MTERF4: variants seen among roughly 807,000 people sequenced by gnomAD.
MTERF4 encodes transcription termination factor 4, mitochondrial.
In MTERF4, 17 loss-of-function variants were observed where a neutral mutation model predicts 22.5. The ratio of observed to expected loss-of-function variants is 0.75; its 90% CI spans 0.52 to 1.13. MTERF4 has a LOEUF of 1.13. Among genes scored for constraint, MTERF4 ranks in the 50% most tolerant of loss-of-function variants. The pLI is 0.00. For synonymous variants in MTERF4, 165 were observed against 175.3 expected (o/e 0.94, Z 0.47); for missense variants, 420 against 466.8 (o/e 0.90, Z 0.92).
chr2:241,082,200 C>G, downstream of MTERF4: 2 of 1,252,340 alleles, frequency 1.6e-6, no homozygotes, highest in Non-Finnish European at 2.3e-6. Flanking sequence ...GGCCCTCTCC[C>G]TTGGGCAAGG....
the MTERF4 span, chr2:241,065,233 G>A: frequency 3.2e-6 from 5 of 1,547,816 alleles, no homozygotes; most frequent in Non-Finnish European, 4.4e-6. Flanking sequence ...GCCGCCGACG[G>A]GAGCCAGGCA....
At chr2:241,094,511 C>T (rs983096584), downstream of MTERF4, 2 of 424,326 alleles carry the variant, frequency 4.7e-6, no homozygotes, top group South Asian at 3.5e-5. The surrounding 1 kb of genome is among the most constrained non-coding windows in gnomAD (Gnocchi z 4.3). Context: ...AGGGGTATTC[C>T]AGTGCATAGG....
chr2:241,087,200 A>G (rs2063626901), downstream of MTERF4: 5 of 580,612 alleles, frequency 8.6e-6, no homozygotes, highest in South Asian at 9.7e-5. Flanking sequence ...ACCACAATAA[A>G]TTTATTACAA....
intron 4 of MTERF4, among the ~76,000 whole-genome samples, chr2:241,081,986 G>A (rs1176827055): frequency 6.6e-6 from 1 of 152,204 alleles, no homozygotes; most frequent in Non-Finnish European, 1.5e-5. Context: ...GATGAGAGGT[G>A]CTGCCCATCA....
chr2:241,098,926 T>C (rs985569371), intron 2 of MTERF4, among the ~76,000 whole-genome samples: 2 of 152,070 alleles, frequency 1.3e-5, no homozygotes, highest in African/African-American at 4.8e-5. Flanking sequence ...CCTCTCAAAA[T>C]GTATTCTGCA....
chr2:241,081,847 C>A, intron 4 of MTERF4: 3 of 1,324,352 alleles, frequency 2.3e-6, no homozygotes, highest in Non-Finnish European at 3.2e-6. Context: ...TGTGCCTCAG[C>A]CTAGGACTGC....
downstream of MTERF4, among the ~76,000 whole-genome samples, chr2:241,083,435 T>C (rs980881089): frequency 3.3e-5 from 5 of 152,260 alleles, no homozygotes; most frequent in African/African-American, 1.2e-4. Context: ...AGTGACATGT[T>C]CGATTACACT....
chr2:241,094,371 G>A (rs1010207812), downstream of MTERF4: 4 of 470,688 alleles, frequency 8.5e-6, no homozygotes, highest in East Asian at 2.8e-4. This position sits in a 1 kb window ranked among gnomAD's most constrained non-coding sequence, Gnocchi z 4.3. Context: ...GAGTCACCGA[G>A]CTGCTTTTCT....
At chr2:241,043,245 T>TA in the MTERF4 span, among the ~76,000 whole-genome samples, 2 of 151,876 alleles carry the variant, frequency 1.3e-5, no homozygotes, top group African/African-American at 2.4e-5. Flanking sequence ...AAACTAATGA[T>TA]AAAAAACCTC....
chr2:241,067,549 G>A (rs969907469), downstream of MTERF4, among the ~76,000 whole-genome samples: 4 of 152,154 alleles, frequency 2.6e-5, no homozygotes, highest in Admixed American at 1.3e-4. Flanking sequence ...CTCTGCAGCC[G>A]TCATGCTCAC....
In MTERF4 at chr2:241,081,585, A is replaced by ATCACG. The variant is rs1553593861; in HGVS notation, n.480-5904_480-5903insCGTGA. The ATCACG allele has an allele frequency of 3.2e-6, 3 of 927,266 alleles. No homozygotes were observed. In the African/African-American group the frequency reaches 5.2e-5, roughly 16 times the overall value. 57.4% of individuals were successfully genotyped at this position (927,266 alleles called of 1,614,324 possible). On this transcript the variant is annotated intron_variant and non_coding_transcript_variant, in intron 4 of 4. Coordinates refer to the MTERF4 transcript ENST00000464344. ...ACAGAGGAGTGCACGGCCACCCTGC[A>ATCACG]TCAGGTCATCAAGGAAGGGACAGCA...
At chr2:241,067,053 G>T in the MTERF4 span, among the ~76,000 whole-genome samples, 1 of 152,362 alleles carries the variant, frequency 6.6e-6, no homozygotes, top group African/African-American at 2.4e-5. Context: ...GTTTTAGGAA[G>T]AAGCACCTGC....
the MTERF4 span, among the ~76,000 whole-genome samples, chr2:241,043,068 G>A: frequency 1.3e-5 from 2 of 152,238 alleles, no homozygotes; most frequent in Non-Finnish European, 1.5e-5. Context: ...CACGTATTTG[G>A]AGTCTGCGAA....
chr2:241,060,521 A>G, the MTERF4 span, among the ~76,000 whole-genome samples: 1 of 152,230 alleles, frequency 6.6e-6, no homozygotes, highest in Non-Finnish European at 1.5e-5. Flanking sequence ...ACAAAAGCAT[A>G]TGAGAAAATA....
chr2:241,065,325 A>G, the MTERF4 span: 2 of 1,612,844 alleles, frequency 1.2e-6, no homozygotes, highest in South Asian at 1.1e-5. Context: ...GGCCCTCAAG[A>G]TGGAGAGAGT....
At chr2:241,080,732 TG>T (rs2063287777) in intron 4 of MTERF4, among the ~76,000 whole-genome samples, 1 of 152,248 alleles carries the variant, frequency 6.6e-6, no homozygotes, top group African/African-American at 2.4e-5. Flanking sequence ...TTCATCGTGA[TG>T]CTCAGAAAGA....
intron 2 of MTERF4, among the ~76,000 whole-genome samples, chr2:241,099,002 T>C (rs528145516): frequency 9.9e-5 from 15 of 152,010 alleles, no homozygotes; most frequent in Non-Finnish European, 1.9e-4. Context: ...AACACTGACA[T>C]ACTCAGAAAC....
the MTERF4 span, among the ~76,000 whole-genome samples, chr2:241,047,099 C>G: frequency 6.9e-6 from 1 of 144,680 alleles, no homozygotes; most frequent in African/African-American, 2.6e-5. Flanking sequence ...GAGCCGAGAT[C>G]GCGCCACTGC....
the MTERF4 span, among the ~76,000 whole-genome samples, chr2:241,055,654 C>G: frequency 3.3e-5 from 5 of 152,158 alleles, no homozygotes; most frequent in African/African-American, 4.8e-5. Context: ...TGTCATGCTG[C>G]AGGGGCAAGC....
Sources: gnomAD v4.1 joint callset for allele counts (sites outside exome capture counted in the v4.1 genomes callset) on GRCh38, gnomAD v4.1.1 for gene constraint, Gnocchi (gnomAD v3.1) non-coding constraint, MANE v1.5 for transcripts, NCBI Gene and HGNC (gene_info 2026-07-23, HGNC 2026-07-21) for gene names.